GOLGA6B: variants seen among roughly 807,000 people sequenced by gnomAD.
GOLGA6B encodes golgin A6 family member B.
In GOLGA6B, 11 loss-of-function variants were observed where a neutral mutation model predicts 63.0. The observed-to-expected ratio is 0.17, with a 90% CI of 0.11 to 0.29. The LOEUF (loss-of-function observed/expected upper bound fraction) is 0.29. Among genes scored for constraint, GOLGA6B ranks in the 10% least tolerant of loss-of-function variants. The probability of loss-of-function intolerance (pLI) is 1.00; values close to 1 mark genes in which losing one functional copy is unlikely to be tolerated. For synonymous variants in GOLGA6B, 46 were observed against 232.6 expected, an observed-to-expected ratio of 0.20 and a Z score of 7.30; for missense variants, 134 against 563.8, an observed-to-expected ratio of 0.24 and a Z score of 7.72.
At chr15:72,657,479 G>T (rs2064581816) in intron 2 of GOLGA6B, among the ~76,000 whole-genome samples, 1 of 145,158 alleles carries the variant, frequency 6.9e-6, no homozygotes, top group Non-Finnish European at 1.5e-5. Flanking sequence ...AATCTCCTCT[G>T]CTCTTCTTCA....
intron 7 of GOLGA6B, among the ~76,000 whole-genome samples, chr15:72,660,570 TAGAG>T (rs1330530779): frequency 3.2e-5 from 3 of 94,434 alleles, no homozygotes; most frequent in Non-Finnish European, 6.7e-5. Flanking sequence ...ACCATTTCTG[TAGAG>T]AGAGGAAAGG....
In GOLGA6B at chr15:72,665,352, C is replaced by T. The variant is rs868667296; in HGVS notation, c.1594-244C>T. 4.5e-3 allele frequency among the ~76,000 whole-genome samples: 207 copies of T among 46,494 alleles called. 1 individual carries two copies. Among genetic ancestry groups the T allele is most frequent in the Middle Eastern group, 8.1e-3 (1 of 124 alleles). 30.5% of individuals were successfully genotyped at this position (46,494 alleles called of 152,430 possible). A position where few individuals can be genotyped will look rare whatever the true frequency, so the allele number is the denominator to read the frequency against. The stretch of plus-strand genomic sequence containing the variant: ...GGAGCAGGCACGGCTATGTGGGCAG[C>T]GGAAGGTGTGAAGGCTGTGCTGCCT... On this transcript the variant is annotated intron_variant, in intron 14 of 17. Coordinates refer to ENST00000421285, the MANE Select transcript of GOLGA6B (RefSeq NM_018652.5).
Position 72,664,508 on chromosome 15 carries a change from G to C in GOLGA6B, c.1498G>C (p.Glu500Gln). The change falls in exon 13 of 18, where the codon GAA (glutamate) becomes CAA (glutamine). Residue 500 changes from glutamate to glutamine, a missense_variant. Physicochemically the swap from Glu to Gln is conservative, Grantham distance 29. Transcript: ENST00000421285. ...GCTAAGCCTCGTGGCTCTCCCGGGA[G>C]AAGGTACAGGAGACCACTCAGAGGA... ...TQLSLVALPGEGDGGQHLDSE... is the reference protein window; with the variant it reads ...TQLSLVALPGQGDGGQHLDSE... 1 of 1,353,544 alleles carries C rather than the reference G, an allele frequency of 7.4e-7. No homozygotes were observed. The highest frequency in any genetic ancestry group is 1.0e-6 in the Non-Finnish European group (1 of 992,864). The allele number at this position is 1,353,544 out of a possible 1,614,324, so 83.8% of individuals were successfully genotyped here. A position where few individuals can be genotyped will look rare whatever the true frequency, so the allele number is the denominator to read the frequency against.
In GOLGA6B at chr15:72,664,399, C is replaced by A. The variant is rs1239744821; in HGVS notation, c.1426-37C>A. On this transcript the variant is annotated intron_variant, in intron 12 of 17. Coordinates refer to ENST00000421285, the MANE Select transcript of GOLGA6B (RefSeq NM_018652.5). The stretch of plus-strand genomic sequence containing the variant: ...GGCCCCGAGGGGGATGACCTGGCAA[C>A]CTCCGTGCCTTCTCACTCTGTTTCC... 17 of 1,317,690 alleles carry A rather than the reference C, an allele frequency of 1.3e-5. 1 individual carries two copies. Among genetic ancestry groups the A allele is most frequent in the Admixed American group, 3.9e-5 (2 of 51,638 alleles). The allele number at this position is 1,317,690 out of a possible 1,614,324, so 81.6% of individuals were successfully genotyped here. A position where few individuals can be genotyped will look rare whatever the true frequency, so the allele number is the denominator to read the frequency against.
Position 72,666,574 on chromosome 15 carries a change from AG to A in GOLGA6B, c.*233del, listed in dbSNP as rs1189675707. ...TTACCGTTTAAATTTATTTGTAAAA[AG>A]TTAAGGGAGAGTTGGTCTTTCCCTG... On this transcript the variant is annotated 3_prime_UTR_variant, in exon 18 of 18. Coordinates refer to ENST00000421285, the MANE Select transcript of GOLGA6B (RefSeq NM_018652.5). 1.1e-5 allele frequency among the ~76,000 whole-genome samples: 1 copy of A among 92,846 alleles called. No individual in the cohort carries two copies. The highest frequency in any genetic ancestry group is 2.1e-5 in the Non-Finnish European group (1 of 47,446). The allele number at this position is 92,846 out of a possible 152,430, so 60.9% of individuals were successfully genotyped here. A position where few individuals can be genotyped will look rare whatever the true frequency, so the allele number is the denominator to read the frequency against.
chr15:72,664,472 C>G lies in GOLGA6B; in HGVS notation c.1462C>G (p.Leu488Val), dbSNP rs775372982. The change falls in exon 13 of 18, where the codon CTA becomes GTA. Residue 488 changes from leucine (L) to valine (V), a missense_variant. Coordinates refer to ENST00000421285, the MANE Select transcript of GOLGA6B (RefSeq NM_018652.5). ...AGCTGCCAGCCAGCAGAACCAACAG[C>G]TAGAGACCCAGCTAAGCCTCGTGGC... The part of the protein sequence containing the change: ...LEAASQQNQQ[L>V]ETQLSLVALP... 3.6e-5 allele frequency: 48 copies of G among 1,351,356 alleles called. 13 individuals are homozygous for G. In the South Asian group the frequency reaches 6.1e-4, roughly 17 times the overall value. 83.7% of individuals were successfully genotyped at this position (1,351,356 alleles called of 1,614,324 possible). A position where few individuals can be genotyped will look rare whatever the true frequency, so the allele number is the denominator to read the frequency against.
intron 2 of GOLGA6B, among the ~76,000 whole-genome samples, chr15:72,657,109 G>C (rs1185229117): frequency 4.1e-5 from 1 of 24,270 alleles, no homozygotes; most frequent in Non-Finnish European, 1.4e-4. Context: ...CCAGCTTGCT[G>C]GGTGACCACA....
intron 12 of GOLGA6B, 88 bp from the exon 13 acceptor site, chr15:72,664,348 C>T (rs1378638469): frequency 1.6e-6 from 2 of 1,257,802 alleles, no homozygotes; most frequent in African/African-American, 1.5e-5. Context: ...TGCAGGAGAC[C>T]CAGGGGAGGC....
intron 12 of GOLGA6B, among the ~76,000 whole-genome samples, 165 bp from the exon 13 acceptor site, chr15:72,664,271 C>T (rs3985458): frequency 0.012 from 1,607 of 128,940 alleles, 248 homozygotes; most frequent in Admixed American, 0.073. Context: ...GCAGACCCAG[C>T]TCGTGGACCA....
Position 72,663,577 on chromosome 15 carries a change from C to G in GOLGA6B, c.1425+472C>G, listed in dbSNP as rs2064614265. 1.6e-5 allele frequency among the ~76,000 whole-genome samples: 2 copies of G among 126,718 alleles called. 1 individual carries two copies. Among genetic ancestry groups the G allele is most frequent in the Admixed American group, 1.6e-4 (2 of 12,660 alleles). The allele number at this position is 126,718 out of a possible 152,430, so 83.1% of individuals were successfully genotyped here. On this transcript the variant is annotated intron_variant, in intron 12 of 17. Coordinates refer to ENST00000421285, the MANE Select transcript of GOLGA6B (RefSeq NM_018652.5). ...CCTGTAATCCCAGCTACTCAGGAGGCTGAGGCACGAGAATCGCTTGAGCCC... is the reference window on the plus strand; with the variant it reads ...CCTGTAATCCCAGCTACTCAGGAGGGTGAGGCACGAGAATCGCTTGAGCCC...
rs1159402031 is a variant in GOLGA6B, at chr15:72,664,985, C to T, written c.1543C>T (p.Pro515Ser). Reference protein sequence around the residue: ...QHLDSEEEEAPRPTPNIPEDL... With the variant: ...QHLDSEEEEASRPTPNIPEDL... Reference sequence around the variant, plus strand: ...TCTGGACAGTGAGGAGGAGGAGGCGCCTCGGCCCACGCCAAACATCCCAGA... The same window carrying T: ...TCTGGACAGTGAGGAGGAGGAGGCGTCTCGGCCCACGCCAAACATCCCAGA... The change falls in exon 14 of 18, where the codon CCT (proline) becomes TCT (serine). Residue 515 changes from proline (P) to serine (S), a missense_variant. Coordinates refer to ENST00000421285, the MANE Select transcript of GOLGA6B (RefSeq NM_018652.5). 2.2e-6 allele frequency: 2 copies of T among 907,386 alleles called. No homozygotes were observed. The highest frequency in any genetic ancestry group is 3.4e-6 in the Non-Finnish European group (2 of 595,248). 56.2% of individuals were successfully genotyped at this position (907,386 alleles called of 1,614,324 possible).
rs1392260245 is a variant in GOLGA6B at position 72,664,353 on chromosome 15, G to T, written c.1426-83G>T. The T allele has an allele frequency of 1.0e-4, 127 of 1,266,810 alleles. 32 individuals are homozygous for T. In the South Asian group the frequency reaches 1.8e-3, roughly 18 times the overall value. The allele number at this position is 1,266,810 out of a possible 1,614,324, so 78.5% of individuals were successfully genotyped here. A position where few individuals can be genotyped will look rare whatever the true frequency, so the allele number is the denominator to read the frequency against. On this transcript the variant is annotated intron_variant, in intron 12 of 17. Transcript: ENST00000421285. ...GGCCAAAAGTTGCAGGAGACCCAGG[G>T]GAGGCAGTTGCTGAGGACGGGGCCC...
At chr15:72,657,524 A>G (rs1595887176) in intron 2 of GOLGA6B, among the ~76,000 whole-genome samples, 1 of 94,408 alleles carries the variant, frequency 1.1e-5, no homozygotes, top group Non-Finnish European at 2.1e-5. Context: ...TCTTCCTCCT[A>G]CCCTGACTTT....
In GOLGA6B at chr15:72,664,438, G is replaced by A. The variant is rs368695471; in HGVS notation, c.1428G>A (p.Glu476=). The A allele has an allele frequency of 2.3e-6, 3 of 1,321,810 alleles. 1 individual carries two copies. The African/African-American group carries it at 4.4e-5, about 19-fold the overall frequency. 81.9% of individuals were successfully genotyped at this position (1,321,810 alleles called of 1,614,324 possible). ...VKELQEKLDE[E]HLEAASQQNQ... is the part of the protein sequence containing the mutation. ...CACTCTGTTTCCCGTCCCCTTAGGA[G>A]CACCTAGAAGCTGCCAGCCAGCAGA... Residue 476 remains glutamate (E), a splice_region_variant and synonymous_variant, in exon 13 of 18, where the codon GAG becomes GAA. Coordinates refer to ENST00000421285, the MANE Select transcript of GOLGA6B (RefSeq NM_018652.5).
intron 2 of GOLGA6B, among the ~76,000 whole-genome samples, chr15:72,658,025 C>T (rs1323640695): frequency 1.2e-4 from 3 of 25,322 alleles, no homozygotes; most frequent in South Asian, 2.6e-3. Context: ...TGGAGTGGTG[C>T]GATCTCGGCT....
At chr15:72,657,436 G>A (rs1020697525) in intron 2 of GOLGA6B, among the ~76,000 whole-genome samples, 7 of 150,890 alleles carry the variant, frequency 4.6e-5, no homozygotes, top group Admixed American at 1.3e-4. Flanking sequence ...GCAGCAGGTG[G>A]CCATTTGGAA....
chr15:72,664,008 C>A (rs1357986653), intron 12 of GOLGA6B, among the ~76,000 whole-genome samples: 4 of 129,938 alleles, frequency 3.1e-5, no homozygotes, highest in Non-Finnish European at 6.9e-5. Flanking sequence ...AGGCCTGGAG[C>A]AAGGGACCAG....
chr15:72,657,715 G>A (rs1461031120), intron 2 of GOLGA6B, among the ~76,000 whole-genome samples: 4 of 33,482 alleles, frequency 1.2e-4, no homozygotes, highest in Non-Finnish European at 1.1e-4. Flanking sequence ...TCTCTGGCTT[G>A]CTGTCTACAG....
chr15:72,669,297 A>G lies in GOLGA6B; in HGVS notation c.*2955A>G, dbSNP rs573778712. Among the ~76,000 whole-genome samples the G allele has an allele frequency of 6.6e-6, 1 of 152,384 alleles. No homozygotes were observed. Among genetic ancestry groups the G allele is most frequent in the African/African-American group, 2.4e-5 (1 of 41,600 alleles). On this transcript the variant is annotated 3_prime_UTR_variant, in exon 18 of 18. Coordinates refer to ENST00000421285, the MANE Select transcript of GOLGA6B (RefSeq NM_018652.5). ...ACTTTATCTTAAAGAGTCATTTTAA[A>G]AGAATATAACTATTCATAAGTGTAA...
Sources: gnomAD v4.1 joint callset for allele counts (sites outside exome capture counted in the v4.1 genomes callset) on GRCh38, gnomAD v4.1.1 for gene constraint, MANE v1.5 for transcripts, NCBI Gene and HGNC (gene_info 2026-07-23, HGNC 2026-07-21) for gene names.